Variants in CFAP20DC observed in about 807,000 individuals in gnomAD.
The protein encoded by CFAP20DC is CFAP20 domain containing.
A neutral mutation model predicts 101.7 loss-of-function variants in CFAP20DC; 84 were observed. The observed-to-expected ratio is 0.83, with a 90% CI of 0.69 to 0.99. CFAP20DC has a LOEUF of 0.99. CFAP20DC is among the 50% of genes least tolerant of loss of function. The pLI is 0.00. For synonymous variants in CFAP20DC, 359 were observed against 351.2 expected (o/e 1.02, Z -0.25); for missense variants, 1,007 against 970.3 (o/e 1.04, Z -0.50).
rs1426464764 is a variant in CFAP20DC, at chr3:58,729,109, C to T, written c.198-11481G>A. ...TGCAGTCTGGACCAAAAAATCTTGA[C>T]TGCAACCTCATGAGAGACCCCAAGC... On this transcript the variant is annotated intron_variant, in intron 3 of 3. Transcript: ENST00000486145. This position sits in a 1 kb window ranked among gnomAD's most constrained non-coding sequence, Gnocchi z 4.4. 6.6e-6 allele frequency among the ~76,000 whole-genome samples: 1 copy of T among 152,202 alleles called. No homozygotes were observed.
chr3:58,994,781 T>TA (rs113956402), intron 4 of CFAP20DC, among the ~76,000 whole-genome samples: 70 of 132,986 alleles, frequency 5.3e-4, no homozygotes, highest in East Asian at 2.8e-3. Flanking sequence ...TGGTTGGAAA[T>TA]AAAAAAAAAA....
intron 15 of CFAP20DC, chr3:58,794,227 A>G (rs1030621399): frequency 2.5e-6 from 1 of 392,920 alleles, no homozygotes. Context: ...TTCAGAATAT[A>G]GTTTTTTTTT....
At chr3:58,937,602 G>T in intron 5 of CFAP20DC, 46 bp downstream of exon 5, 1 of 1,148,514 alleles carries the variant, frequency 8.7e-7, no homozygotes, top group Non-Finnish European at 1.3e-6. Context: ...AGTAATATTT[G>T]TTGAATTGAA....
At chr3:58,936,579 G>C (rs980693100) in intron 5 of CFAP20DC, among the ~76,000 whole-genome samples, 1 of 152,158 alleles carries the variant, frequency 6.6e-6, no homozygotes, top group Non-Finnish European at 1.5e-5. Context: ...ATACACCATG[G>C]AATACTATGC....
chr3:58,810,874 A>G (rs2074561010), intron 14 of CFAP20DC, among the ~76,000 whole-genome samples: 2 of 151,924 alleles, frequency 1.3e-5, no homozygotes, highest in South Asian at 4.2e-4. Flanking sequence ...TACAAAATCA[A>G]TGTACAAAAA....
intron 4 of CFAP20DC, among the ~76,000 whole-genome samples, chr3:59,030,833 G>GT (rs769693950): frequency 2.3e-4 from 34 of 150,458 alleles, no homozygotes; most frequent in South Asian, 1.0e-3. Flanking sequence ...TTTTGTTTTT[G>GT]TTTTTTTTGA....
intron 5 of CFAP20DC, among the ~76,000 whole-genome samples, chr3:58,927,570 C>G (rs2086124887): frequency 6.6e-6 from 1 of 152,122 alleles, no homozygotes; most frequent in Non-Finnish European, 1.5e-5. Flanking sequence ...GAAATCTGAC[C>G]TTTTTCAAGG....
chr3:58,791,825 G>A (rs2072881931), intron 15 of CFAP20DC, among the ~76,000 whole-genome samples: 1 of 152,146 alleles, frequency 6.6e-6, no homozygotes, highest in Non-Finnish European at 1.5e-5. Context: ...CAGTGTCAGA[G>A]GAAAAGATAA....
At chr3:59,038,231 G>A (rs1693775428) in intron 4 of CFAP20DC, among the ~76,000 whole-genome samples, 1 of 152,128 alleles carries the variant, frequency 6.6e-6, no homozygotes, top group South Asian at 2.1e-4. Context: ...GTATACCCAT[G>A]TAACAAACCT....
chr3:58,842,254 C>G (rs1419338695), intron 13 of CFAP20DC, among the ~76,000 whole-genome samples: 3 of 152,014 alleles, frequency 2.0e-5, no homozygotes, highest in African/African-American at 7.2e-5. Flanking sequence ...TCTGAGGTAC[C>G]GGGTTCATCT....
chr3:59,046,898 A>G (rs949464032), intron 2 of CFAP20DC, among the ~76,000 whole-genome samples: 2 of 152,184 alleles, frequency 1.3e-5, no homozygotes, highest in African/African-American at 4.8e-5. Context: ...GCCCAGGACT[A>G]GGAGAGATTT....
At chr3:58,957,813 T>C (rs2090776445) in intron 4 of CFAP20DC, among the ~76,000 whole-genome samples, 1 of 152,080 alleles carries the variant, frequency 6.6e-6, no homozygotes, top group African/African-American at 2.4e-5. Context: ...ATTGAACTCA[T>C]GGAGACAGAG....
chr3:59,025,938 G>GA (rs897879161), intron 4 of CFAP20DC, among the ~76,000 whole-genome samples: 7 of 149,830 alleles, frequency 4.7e-5, no homozygotes, highest in Non-Finnish European at 8.9e-5. Context: ...TAAGAAACAG[G>GA]AAAAAAAAAC....
chr3:58,931,204 A>G (rs1046010778), intron 5 of CFAP20DC, among the ~76,000 whole-genome samples: 6 of 152,090 alleles, frequency 3.9e-5, no homozygotes, highest in Admixed American at 6.5e-5. Flanking sequence ...TGCAAGGTGG[A>G]AGCGAGGCTG....
chr3:58,922,952 T>C (rs1403618760), intron 5 of CFAP20DC, among the ~76,000 whole-genome samples: 1 of 152,160 alleles, frequency 6.6e-6, no homozygotes, highest in Non-Finnish European at 1.5e-5. Context: ...TCCACCACTG[T>C]TTGTGTCATT....
intron 1 of CFAP20DC, 32 bp downstream of exon 1, chr3:59,049,579 T>A: frequency 6.5e-7 from 1 of 1,531,304 alleles, no homozygotes; most frequent in Non-Finnish European, 8.8e-7. Context: ...AGGAGAAAGG[T>A]ATAGACAGGT....
At chr3:58,905,922 G>A (rs1313400196) in intron 6 of CFAP20DC, among the ~76,000 whole-genome samples, 1 of 152,054 alleles carries the variant, frequency 6.6e-6, no homozygotes, top group South Asian at 2.1e-4. Flanking sequence ...TTTTAAATCT[G>A]TCTCTCTTCT....
In CFAP20DC at chr3:58,915,347, G is replaced by A. The variant is rs538123786; in HGVS notation, c.394-1483C>T. 4.6e-5 allele frequency among the ~76,000 whole-genome samples: 7 copies of A among 152,220 alleles called. No homozygotes were observed. In the South Asian group the frequency reaches 1.2e-3, roughly 27 times the overall value. On this transcript the variant is annotated intron_variant, in intron 5 of 16. Coordinates refer to ENST00000482387, the MANE Select transcript of CFAP20DC (RefSeq NM_001394063.1). ...GCTTGGTGAAATGCAGGTTATAGGG[G>A]ATGGAAGTGTTGGGGTTTCTAGATA...
In CFAP20DC at chr3:58,842,581, TGGGGGAGGGGCGC is replaced by T. The variant is rs544507411; in HGVS notation, c.1971+6438_1971+6450del. On this transcript the variant is annotated intron_variant, in intron 13 of 16. Transcript: ENST00000482387. ...ATCAAACTGCAAGGCGGCAGCGAGC[TGGGGGAGGGGCGC>T]CCGCCATTGCCCAGGCTTGATTAGG... Among the ~76,000 whole-genome samples the T allele has an allele frequency of 8.2e-4, 124 of 151,816 alleles. No individual in the cohort carries two copies. In the South Asian group the frequency reaches 0.018, roughly 23 times the overall value.
Sources: allele counts gnomAD v4.1 joint callset (sites outside exome capture counted in the v4.1 genomes callset), GRCh38; gene constraint gnomAD v4.1.1; non-coding constraint Gnocchi (gnomAD v3.1); transcripts MANE v1.5; gene names NCBI Gene and HGNC (gene_info 2026-07-23, HGNC 2026-07-21).